RC3H2: variants seen among roughly 807,000 people sequenced by gnomAD.
The protein encoded by RC3H2 is roquin-2.
In RC3H2, 31 loss-of-function variants were observed where a neutral mutation model predicts 133.3. The observed-to-expected ratio is 0.23, with a 90% CI of 0.17 to 0.31. The LOEUF (loss-of-function observed/expected upper bound fraction) is 0.31. RC3H2 is among the 10% of genes least tolerant of loss of function. The pLI is 1.00. For synonymous variants in RC3H2, 517 were observed against 502.2 expected, an observed-to-expected ratio of 1.03 and a Z score of -0.40; for missense variants, 1,175 against 1,437.2, an observed-to-expected ratio of 0.82 and a Z score of 2.95.
chr9:122,901,996 C>A (rs1315080076), intron 1 of RC3H2, among the ~76,000 whole-genome samples: 1 of 136,020 alleles, frequency 7.4e-6, no homozygotes, highest in Admixed American at 7.5e-5. Context: ...ATGGCGCGAT[C>A]TCGGCTCACT....
chr9:122,849,520 T>A lies in RC3H2; in HGVS notation c.*107A>T, dbSNP rs1357325808. The A allele has an allele frequency of 2.9e-5, 11 of 375,718 alleles. No individual in the cohort carries two copies. The highest frequency in any genetic ancestry group is 4.1e-5 in the Non-Finnish European group (10 of 242,344). 23.3% of individuals were successfully genotyped at this position (375,718 alleles called of 1,614,324 possible). A position where few individuals can be genotyped will look rare whatever the true frequency, so the allele number is the denominator to read the frequency against. On this transcript the variant is annotated 3_prime_UTR_variant, in exon 21 of 21. Transcript: ENST00000357244. Reference sequence around the variant, plus strand: ...CAGGAAATGGATGCCCCCAGTAATATCTTTTTTTTAAAAAAAATATACATT... The same window carrying A: ...CAGGAAATGGATGCCCCCAGTAATAACTTTTTTTTAAAAAAAATATACATT...
intron 1 of RC3H2, among the ~76,000 whole-genome samples, chr9:122,900,997 T>C (rs1419218174): frequency 6.6e-6 from 1 of 152,222 alleles, no homozygotes; most frequent in Non-Finnish European, 1.5e-5. Flanking sequence ...AGGCATCTCT[T>C]ATATGATTCA....
chr9:122,870,608 G>A (rs572051192), intron 9 of RC3H2, among the ~76,000 whole-genome samples: 2 of 152,190 alleles, frequency 1.3e-5, no homozygotes, highest in South Asian at 2.1e-4. Context: ...TTCAGGGACA[G>A]GATCTCACTA....
chr9:122,899,448 C>T (rs1832570274), intron 1 of RC3H2, among the ~76,000 whole-genome samples: 1 of 152,210 alleles, frequency 6.6e-6, no homozygotes. Flanking sequence ...AAATGAATTA[C>T]AGGGCTTGCT....
chr9:122,905,351 T>TG lies in RC3H2; in HGVS notation c.-310dup, dbSNP rs1430470918. 1.1e-6 allele frequency: 1 copy of TG among 934,126 alleles called. No individual in the cohort carries two copies. Among genetic ancestry groups the TG allele is most frequent in the East Asian group, 1.2e-4 (1 of 8,522 alleles). 57.9% of individuals were successfully genotyped at this position (934,126 alleles called of 1,614,324 possible). A position where few individuals can be genotyped will look rare whatever the true frequency, so the allele number is the denominator to read the frequency against. On this transcript the variant is annotated 5_prime_UTR_variant, in exon 1 of 21. Coordinates refer to ENST00000357244, the MANE Select transcript of RC3H2 (RefSeq NM_001100588.3). ...CTCCTCCTCACCACGGAGGCGGACC[T>TG]GGAGGGATCCCGATCTAGCTCTCGC...
At chr9:122,859,884 CT>C (rs757795873) in intron 11 of RC3H2, 32 bp downstream of exon 11, 10 of 1,496,998 alleles carry the variant, frequency 6.7e-6, no homozygotes, top group East Asian at 4.5e-5. Context: ...AACAATGTTT[CT>C]TTTTTTCTTA....
Position 122,846,796 on chromosome 9 carries a change from A to G in RC3H2, c.*2831T>C, listed in dbSNP as rs1204601948. On this transcript the variant is annotated 3_prime_UTR_variant, in exon 21 of 21. Coordinates refer to ENST00000357244, the MANE Select transcript of RC3H2 (RefSeq NM_001100588.3). ...AAATGACGGGAAATGCCTCAATTTT[A>G]AAAAGTCATATCCTAGGTCTGATTT... 6.6e-6 allele frequency: 1 copy of G among 152,162 alleles called. No individual in the cohort carries two copies. Among genetic ancestry groups the G allele is most frequent in the East Asian group, 1.9e-4 (1 of 5,200 alleles). 9.4% of individuals were successfully genotyped at this position (152,162 alleles called of 1,614,324 possible).
intron 2 of RC3H2, among the ~76,000 whole-genome samples, chr9:122,894,713 C>T (rs1021447139): frequency 1.3e-5 from 2 of 152,114 alleles, no homozygotes; most frequent in African/African-American, 4.8e-5. Context: ...GACCCCATCT[C>T]TACTAAAAAT....
chr9:122,856,865 T>A (rs1469003976), intron 13 of RC3H2, among the ~76,000 whole-genome samples: 1 of 152,276 alleles, frequency 6.6e-6, no homozygotes, highest in South Asian at 2.1e-4. Context: ...GAAGCATAAT[T>A]GTATATCAAA....
At chr9:122,860,915 A>T (rs535214141) in intron 10 of RC3H2, among the ~76,000 whole-genome samples, 1 of 152,288 alleles carries the variant, frequency 6.6e-6, no homozygotes, top group East Asian at 1.9e-4. Flanking sequence ...AGGAAAGGCC[A>T]CTTTTGTTTA....
Position 122,890,680 on chromosome 9 carries a change from G to A in RC3H2, c.350-135C>T, listed in dbSNP as rs1002492490. On this transcript the variant is annotated intron_variant, in intron 3 of 20. Coordinates refer to ENST00000357244, the MANE Select transcript of RC3H2 (RefSeq NM_001100588.3). ...GTAATGTGCTTTCATTTTTCTAACA[G>A]TATTCTGTCTCTGTTTGTTATTATT... 3 of 652,978 alleles carry A rather than the reference G, an allele frequency of 4.6e-6. No homozygotes were observed. In the African/African-American group the frequency reaches 5.5e-5, roughly 12 times the overall value. 40.4% of individuals were successfully genotyped at this position (652,978 alleles called of 1,614,324 possible).
intron 1 of RC3H2, among the ~76,000 whole-genome samples, chr9:122,903,203 C>A (rs1245860615): frequency 6.6e-6 from 1 of 152,222 alleles, no homozygotes; most frequent in South Asian, 2.1e-4. Context: ...AGACGCTGAT[C>A]ATAACATTCA....
rs1829899791 is a variant in RC3H2 at position 122,847,738 on chromosome 9, G to A, written c.*1889C>T. The A allele has an allele frequency of 6.6e-6, 1 of 152,094 alleles. No individual in the cohort carries two copies. The highest frequency in any genetic ancestry group is 2.4e-5 in the African/African-American group (1 of 41,426). 9.4% of individuals were successfully genotyped at this position (152,094 alleles called of 1,614,324 possible). On this transcript the variant is annotated 3_prime_UTR_variant, in exon 21 of 21. Transcript: ENST00000357244. ...ATAAATAAAATGTCTTCATAGGGAT[G>A]GGGAGCACTGGCCATGGCAAAAAAG...
intron 9 of RC3H2, among the ~76,000 whole-genome samples, chr9:122,870,164 C>T (rs1831004668): frequency 6.6e-6 from 1 of 151,876 alleles, no homozygotes; most frequent in Non-Finnish European, 1.5e-5. Flanking sequence ...TACCTGAGGT[C>T]AGGAGTTCAA....
At chr9:122,876,025 C>G (rs1271812646) in intron 9 of RC3H2, among the ~76,000 whole-genome samples, 1 of 151,982 alleles carries the variant, frequency 6.6e-6, no homozygotes, top group Non-Finnish European at 1.5e-5. Context: ...AGATTTAAGA[C>G]TAGTGAGAAG....
At chr9:122,872,992 T>TACA (rs1316901342) in intron 9 of RC3H2, among the ~76,000 whole-genome samples, 1 of 152,230 alleles carries the variant, frequency 6.6e-6, no homozygotes, top group Non-Finnish European at 1.5e-5. Context: ...TCCACATATT[T>TACA]ACATAATATT....
intron 8 of RC3H2, 90 bp from the exon 9 acceptor site, chr9:122,877,673 C>T: frequency 1.1e-6 from 1 of 894,406 alleles, no homozygotes; most frequent in Non-Finnish European, 1.8e-6. Flanking sequence ...ATAATTACAC[C>T]TTTAATTCTT....
At chr9:122,886,053 A>G (rs1014444311) in intron 4 of RC3H2, among the ~76,000 whole-genome samples, 7 of 151,936 alleles carry the variant, frequency 4.6e-5, no homozygotes, top group African/African-American at 1.7e-4. Flanking sequence ...ATGCCCAGCT[A>G]ATTTTTTTCT....
At chr9:122,855,963 AT>A (rs2131388274) in intron 13 of RC3H2, 85 bp from the exon 14 acceptor site, 1 of 1,080,320 alleles carries the variant, frequency 9.3e-7, no homozygotes, top group African/African-American at 1.6e-5. Flanking sequence ...CTATTATAGA[AT>A]TCAGAGGACT....
Sources: gnomAD v4.1 joint callset for allele counts (sites outside exome capture counted in the v4.1 genomes callset) on GRCh38, gnomAD v4.1.1 for gene constraint, MANE v1.5 for transcripts, NCBI Gene and HGNC (gene_info 2026-07-23, HGNC 2026-07-21) for gene names.